Variants in TRIO observed in about 807,000 individuals in gnomAD.
TRIO encodes the protein triple functional domain protein.
Under a neutral mutation model 351.9 loss-of-function variants are expected in TRIO, and 58 were observed. The ratio of observed to expected loss-of-function variants is 0.16; its 90% CI spans 0.13 to 0.21. The LOEUF is 0.21. Among genes scored for constraint, TRIO ranks in the 10% least tolerant of loss-of-function variants. TRIO has a pLI of 1.00. For synonymous variants in TRIO, 1,758 were observed against 1,595.7 expected (o/e 1.10, Z -2.42); for missense variants, 3,201 against 4,027.8 (o/e 0.79, Z 5.56).
chr5:14,414,119 G>C (rs1472403694), intron 33 of TRIO, among the ~76,000 whole-genome samples: 1 of 152,240 alleles, frequency 6.6e-6, no homozygotes, highest in Non-Finnish European at 1.5e-5. Flanking sequence ...GCCTAGGGGA[G>C]TGCACTACGT....
intron 17 of TRIO, 38 bp from the exon 18 acceptor site, chr5:14,369,336 G>T: frequency 6.4e-7 from 1 of 1,563,558 alleles, no homozygotes; most frequent in Non-Finnish European, 8.7e-7. Flanking sequence ...GGCAGTGGCA[G>T]ATGCCAAGTC....
chr5:14,167,879 TCTTA>T (rs1208484960), intron 1 of TRIO, among the ~76,000 whole-genome samples: 2 of 152,238 alleles, frequency 1.3e-5, no homozygotes, highest in Admixed American at 6.5e-5. Flanking sequence ...AACATTCATT[TCTTA>T]CTTAGTAGAG....
chr5:14,298,851 T>A (rs985614738), intron 7 of TRIO, among the ~76,000 whole-genome samples: 2 of 152,226 alleles, frequency 1.3e-5, no homozygotes, highest in African/African-American at 2.4e-5. Flanking sequence ...CAAAAACAAC[T>A]TTTTAAAGTA....
chr5:14,421,088 C>G (rs1209244941), intron 34 of TRIO, among the ~76,000 whole-genome samples: 3 of 152,170 alleles, frequency 2.0e-5, no homozygotes, highest in African/African-American at 7.2e-5. Flanking sequence ...CTGCCCCTCA[C>G]AAACCCTCTA....
intron 47 of TRIO, among the ~76,000 whole-genome samples, chr5:14,486,386 A>C (rs765059620): frequency 7.9e-5 from 12 of 152,332 alleles, no homozygotes; most frequent in Non-Finnish European, 1.6e-4. Flanking sequence ...TGGCATTTTT[A>C]GCCAAGTGTT....
rs1036620871 is a variant in TRIO at position 14,387,645 on chromosome 5, G to C, written c.3765+13G>C. ...TTCCAACAAATCGGTAAATGGCCTT[G>C]TGCAAACTGAATAAATTATGGTCTT... On this transcript the variant is annotated intron_variant, in intron 22 of 56. Transcript: ENST00000344204. The C allele has an allele frequency of 1.9e-6, 3 of 1,609,168 alleles. No individual in the cohort carries two copies. The East Asian group carries it at 6.7e-5, about 36-fold the overall frequency.
chr5:14,400,639 C>T (rs1747993408), intron 30 of TRIO, among the ~76,000 whole-genome samples: 1 of 152,162 alleles, frequency 6.6e-6, no homozygotes, highest in African/African-American at 2.4e-5. Context: ...CAGTTTGTTG[C>T]TTGTAAGATT....
chr5:14,403,862 C>G (rs1488227972), intron 31 of TRIO, among the ~76,000 whole-genome samples: 1 of 24,284 alleles, frequency 4.1e-5, no homozygotes, highest in Non-Finnish European at 7.4e-5. Flanking sequence ...GGTGAGGGTG[C>G]AGGTGGTGGT....
intron 1 of TRIO, among the ~76,000 whole-genome samples, chr5:14,266,989 C>T (rs1363808983): frequency 2.6e-5 from 4 of 152,142 alleles, no homozygotes; most frequent in Non-Finnish European, 5.9e-5. Context: ...CATTAGAGTC[C>T]ATAATGGTTG....
chr5:14,472,800 C>T lies in TRIO; in HGVS notation c.5979+142C>T, dbSNP rs183673142. The T allele has an allele frequency of 1.1e-4, 93 of 857,346 alleles. No homozygotes were observed. The Middle Eastern group carries it at 1.9e-3, about 18-fold the overall frequency. The allele number at this position is 857,346 out of a possible 1,614,324, so 53.1% of individuals were successfully genotyped here. A position where few individuals can be genotyped will look rare whatever the true frequency, so the allele number is the denominator to read the frequency against. On this transcript the variant is annotated intron_variant, in intron 39 of 56. Coordinates refer to ENST00000344204, the MANE Select transcript of TRIO (RefSeq NM_007118.4). Reference sequence around the variant, plus strand: ...TAAAAAGTGACCAACGATGTATTTCCGAAAAATTAAGTTTAGCCAATTGTC... The same window carrying T: ...TAAAAAGTGACCAACGATGTATTTCTGAAAAATTAAGTTTAGCCAATTGTC...
At chr5:14,349,870 C>G (rs963387004) in intron 11 of TRIO, among the ~76,000 whole-genome samples, 6 of 152,126 alleles carry the variant, frequency 3.9e-5, no homozygotes, top group African/African-American at 1.4e-4. Flanking sequence ...GATCCTTTTC[C>G]TCCTCCCAGC....
At chr5:14,148,720 C>T (rs971861260) in intron 1 of TRIO, among the ~76,000 whole-genome samples, 1 of 152,204 alleles carries the variant, frequency 6.6e-6, no homozygotes, top group Non-Finnish European at 1.5e-5. Flanking sequence ...GTGGAAAGTG[C>T]GTGCTCTGAC....
At chr5:14,287,861 G>A (rs1478868013) in intron 4 of TRIO, among the ~76,000 whole-genome samples, 1 of 152,158 alleles carries the variant, frequency 6.6e-6, no homozygotes, top group African/African-American at 2.4e-5. Flanking sequence ...CAAACGTTAG[G>A]TTTCAGTGGA....
Position 14,389,436 on chromosome 5 carries a change from A to G in TRIO, c.4058+38A>G, listed in dbSNP as rs10513177. ...TTCTTTGGGAGCAGTTACGCTTGAA[A>G]TCCATGTGCTGAAGTTTCATCACAA... On this transcript the variant is annotated intron_variant, in intron 25 of 56. Coordinates refer to ENST00000344204, the MANE Select transcript of TRIO (RefSeq NM_007118.4). 11,138 of 1,448,406 alleles carry G rather than the reference A, an allele frequency of 7.7e-3. 646 individuals are homozygous for G. In the African/African-American group the frequency reaches 0.14, roughly 18 times the overall value. 89.7% of individuals were successfully genotyped at this position (1,448,406 alleles called of 1,614,324 possible). A position where few individuals can be genotyped will look rare whatever the true frequency, so the allele number is the denominator to read the frequency against.
intron 32 of TRIO, 166 bp from the exon 33 acceptor site, chr5:14,406,407 A>G (rs1239978431): frequency 1.8e-5 from 12 of 667,446 alleles, no homozygotes; most frequent in Non-Finnish European, 3.2e-5. Flanking sequence ...CACAGTGCCT[A>G]GCAGAAAGCC....
intron 1 of TRIO, among the ~76,000 whole-genome samples, chr5:14,242,057 G>T (rs991428944): frequency 6.6e-6 from 1 of 152,206 alleles, no homozygotes; most frequent in Non-Finnish European, 1.5e-5. Context: ...CCTTACTACA[G>T]TGCTAGTAGA....
chr5:14,193,865 A>C (rs1454396197), intron 1 of TRIO, among the ~76,000 whole-genome samples: 1 of 150,112 alleles, frequency 6.7e-6, no homozygotes, highest in Admixed American at 6.7e-5. Context: ...TGCTGACCTT[A>C]CTGTAGATAA....
intron 1 of TRIO, among the ~76,000 whole-genome samples, chr5:14,174,159 CCTT>C (rs1325088483): frequency 1.3e-5 from 2 of 152,204 alleles, no homozygotes; most frequent in Non-Finnish European, 2.9e-5. Context: ...GTGGCTGTAA[CCTT>C]CTGTTGCTGT....
intron 34 of TRIO, among the ~76,000 whole-genome samples, chr5:14,444,618 G>A (rs566750436): frequency 2.0e-5 from 3 of 152,048 alleles, no homozygotes; most frequent in African/African-American, 4.8e-5. Context: ...GAGAATGCTC[G>A]CTATTATGGT....
Sources: gnomAD v4.1 joint callset for allele counts (sites outside exome capture counted in the v4.1 genomes callset) on GRCh38, gnomAD v4.1.1 for gene constraint, MANE v1.5 for transcripts, NCBI Gene and HGNC (gene_info 2026-07-23, HGNC 2026-07-21) for gene names.